CYP2C8: variants seen among roughly 807,000 people sequenced by gnomAD.
CYP2C8 encodes the protein cytochrome P450 family 2 subfamily C member 8, also known as cytochrome P450 2C8.
A neutral mutation model predicts 41.3 loss-of-function variants in CYP2C8; 51 were observed. The observed-to-expected ratio is 1.24, with a 90% CI of 0.99 to 1.56. The LOEUF (loss-of-function observed/expected upper bound fraction) is 1.56, where lower values mean the gene tolerates loss of function less well. Among genes scored for constraint, CYP2C8 ranks in the 40% most tolerant of loss-of-function variants. The pLI is 0.00. For missense variants in CYP2C8, 651 were observed against 579.9 expected (o/e 1.12, Z -1.26); for synonymous variants, 218 against 205.8 (o/e 1.06, Z -0.51).
intron 5 of CYP2C8, among the ~76,000 whole-genome samples, chr10:95,051,982 A>G (rs930596527): frequency 3.3e-5 from 5 of 151,372 alleles, no homozygotes; most frequent in African/African-American, 1.2e-4. Flanking sequence ...GCAGAAATAA[A>G]TTGAAATAAA....
chr10:95,061,547 T>G (rs1013268415), intron 4 of CYP2C8, among the ~76,000 whole-genome samples: 3 of 152,218 alleles, frequency 2.0e-5, no homozygotes, highest in African/African-American at 7.2e-5. Flanking sequence ...TCTTTATTAG[T>G]CTTCCTAATG....
chr10:95,036,824 A>G lies in CYP2C8; in HGVS notation c.*304T>C, dbSNP rs886073952. ...TTTAGCACATTCACAAAAGAAATGGATCTAAATTATCATTCATTAATCACT... is the reference window on the plus strand; with the variant it reads ...TTTAGCACATTCACAAAAGAAATGGGTCTAAATTATCATTCATTAATCACT... On this transcript the variant is annotated 3_prime_UTR_variant, in exon 9 of 9. Transcript: ENST00000371270. 1 of 377,388 alleles carries G rather than the reference A, an allele frequency of 2.6e-6. No homozygotes were observed. The highest frequency in any genetic ancestry group is 2.1e-5 in the African/African-American group (1 of 48,500). 23.4% of individuals were successfully genotyped at this position (377,388 alleles called of 1,614,324 possible). A position where few individuals can be genotyped will look rare whatever the true frequency, so the allele number is the denominator to read the frequency against.
intron 7 of CYP2C8, among the ~76,000 whole-genome samples, chr10:95,039,846 A>G (rs1414218508): frequency 6.6e-6 from 1 of 152,206 alleles, no homozygotes; most frequent in Non-Finnish European, 1.5e-5. Flanking sequence ...CACCTCATCA[A>G]TGTGATTCAG....
intron 5 of CYP2C8, among the ~76,000 whole-genome samples, chr10:95,047,104 C>A (rs918334268): frequency 5.9e-5 from 9 of 152,118 alleles, no homozygotes. Flanking sequence ...TGTGACGTGC[C>A]TGTTCCTGCT....
At chr10:95,041,282 T>G (rs972129503) in intron 7 of CYP2C8, among the ~76,000 whole-genome samples, 1 of 152,310 alleles carries the variant, frequency 6.6e-6, no homozygotes, top group African/African-American at 2.4e-5. Context: ...ACAGCAGCAA[T>G]TTTTTGGGAT....
rs956243357 is a variant in CYP2C8 at position 95,040,823 on chromosome 10, T to G, written c.1150-1785A>C. 20 of 440,310 alleles carry G rather than the reference T, an allele frequency of 4.5e-5. No homozygotes were observed. In the Admixed American group the frequency reaches 5.2e-4, roughly 11 times the overall value. 27.3% of individuals were successfully genotyped at this position (440,310 alleles called of 1,614,324 possible). A position where few individuals can be genotyped will look rare whatever the true frequency, so the allele number is the denominator to read the frequency against. The stretch of plus-strand genomic sequence containing the variant: ...TAATATCTGGTACTGAGCCATAGGT[T>G]TTTAGGCATTTCAAGGATACAACTA... On this transcript the variant is annotated intron_variant, in intron 7 of 8. Transcript: ENST00000371270.
intron 5 of CYP2C8, among the ~76,000 whole-genome samples, chr10:95,055,975 C>T (rs887426128): frequency 1.3e-5 from 2 of 151,954 alleles, no homozygotes; most frequent in East Asian, 1.9e-4. Context: ...TGCCTGTGCT[C>T]CTAGCTACTT....
At chr10:95,063,488 A>G (rs1231466423) in intron 4 of CYP2C8, among the ~76,000 whole-genome samples, 4 of 152,134 alleles carry the variant, frequency 2.6e-5, no homozygotes, top group Admixed American at 2.6e-4. Flanking sequence ...TTTCAGCTCC[A>G]TCAGGTCCTT....
At chr10:95,063,293 G>T (rs1188207470) in intron 4 of CYP2C8, among the ~76,000 whole-genome samples, 1 of 152,114 alleles carries the variant, frequency 6.6e-6, no homozygotes, top group Non-Finnish European at 1.5e-5. Flanking sequence ...ACGTAGATTT[G>T]GTCTTTTCAC....
chr10:95,064,766 A>G (rs1207988764), intron 4 of CYP2C8, 34 bp downstream of exon 4: 1 of 1,603,398 alleles, frequency 6.2e-7, no homozygotes, highest in Non-Finnish European at 8.5e-7. Context: ...CCTTGAATAA[A>G]TGGTTTCCAA....
intron 5 of CYP2C8, among the ~76,000 whole-genome samples, chr10:95,047,576 T>G (rs1477372816): frequency 6.6e-6 from 1 of 152,188 alleles, no homozygotes; most frequent in Non-Finnish European, 1.5e-5. Context: ...ACAGGCAACT[T>G]ATTCTTAGGA....
intron 5 of CYP2C8, among the ~76,000 whole-genome samples, chr10:95,055,885 G>A (rs1475975276): frequency 6.6e-6 from 1 of 152,038 alleles, no homozygotes; most frequent in Non-Finnish European, 1.5e-5. Context: ...GAGCTCAGGA[G>A]TTTGAGACCA....
At chr10:95,047,262 A>G (rs1703563418) in intron 5 of CYP2C8, among the ~76,000 whole-genome samples, 1 of 152,216 alleles carries the variant, frequency 6.6e-6, no homozygotes, top group South Asian at 2.1e-4. Flanking sequence ...TCTTTATAGA[A>G]ATGCAAGAAC....
At position 95,037,185 on chromosome 10, in the gene CYP2C8, A is replaced by G. The variant is rs1015871520; in HGVS notation, c.1416T>C (p.Val472=). ...DDLKNLNTTA[V]TKGIVSLPPS... ...GTGGCAGAGAAACAATCCCTTTGGT[A>G]ACTGCAGTAGTATTGAGGTTCTTTA... is the stretch of plus-strand genomic sequence containing the variant. The change falls in exon 9 of 9, where the codon GTT becomes GTC. Residue 472 remains valine (V), a synonymous_variant. Transcript: ENST00000371270. 4 of 1,613,430 alleles carry G rather than the reference A, an allele frequency of 2.5e-6. No individual in the cohort carries two copies. The highest frequency in any genetic ancestry group is 2.5e-6 in the Non-Finnish European group (3 of 1,179,502).
chr10:95,066,169 T>A (rs906779884), intron 3 of CYP2C8, among the ~76,000 whole-genome samples: 3,141 of 144,464 alleles, frequency 0.022, 112 homozygotes, highest in African/African-American at 0.079. Flanking sequence ...TGTGTGTGTG[T>A]GTGTGTGTGT....
Position 95,043,078 on chromosome 10 carries a change from C to A in CYP2C8, c.962-1G>T. 1 of 1,614,078 alleles carries A rather than the reference C, an allele frequency of 6.2e-7. No homozygotes were observed. Among genetic ancestry groups the A allele is most frequent in the East Asian group, 2.2e-5 (1 of 44,882 alleles). On this transcript the variant is annotated splice_acceptor_variant, in intron 6 of 8. Transcript: ENST00000371270. LOFTEE classifies it high-confidence loss of function. ...TGATCAATCTCTTCCTGGACTTTAG[C>A]TGACAAGACACAAGAAAGAACTGAT...
chr10:95,066,119 T>TGAGAGAGAGAGA (rs144502351), intron 3 of CYP2C8, among the ~76,000 whole-genome samples: 183 of 97,700 alleles, frequency 1.9e-3, no homozygotes, highest in African/African-American at 3.5e-3. Context: ...GAAGCCTTGG[T>TGAGAGAGAGAGA]GAGAGAGAGA....
chr10:95,062,764 C>T (rs1284309888), intron 4 of CYP2C8, among the ~76,000 whole-genome samples: 1 of 152,146 alleles, frequency 6.6e-6, no homozygotes, highest in African/African-American at 2.4e-5. Context: ...GATGTTTTTG[C>T]AGTGGCTGGT....
At chr10:95,039,363 T>C in intron 7 of CYP2C8, 1 of 332,416 alleles carries the variant, frequency 3.0e-6, no homozygotes, top group South Asian at 2.9e-5. Context: ...TGTATTTTGA[T>C]TATGTAGATT....
Sources: gnomAD v4.1 joint callset for allele counts (sites outside exome capture counted in the v4.1 genomes callset) on GRCh38, gnomAD v4.1.1 for gene constraint, MANE v1.5 for transcripts, NCBI Gene and HGNC (gene_info 2026-07-23, HGNC 2026-07-21) for gene names.